Variants in SNTB1 observed in about 807,000 individuals in gnomAD.
The protein encoded by SNTB1 is syntrophin beta 1.
In SNTB1, 36 loss-of-function variants were observed where a neutral mutation model predicts 48.9. The ratio of observed to expected loss-of-function variants is 0.74; its 90% CI spans 0.56 to 0.97. The LOEUF (loss-of-function observed/expected upper bound fraction) is 0.97. SNTB1 is among the 50% of genes least tolerant of loss of function. The pLI is 0.00. For synonymous variants in SNTB1, 299 were observed against 294.6 expected, an observed-to-expected ratio of 1.01 and a Z score of -0.15; for missense variants, 786 against 703.4, an observed-to-expected ratio of 1.12 and a Z score of -1.33.
chr8:120,725,040 A>G (rs985862517), intron 1 of SNTB1, among the ~76,000 whole-genome samples: 3 of 152,156 alleles, frequency 2.0e-5, no homozygotes, highest in Admixed American at 2.0e-4. Context: ...ACCAGTGAGG[A>G]CTTCCTGTCT....
At chr8:120,725,047 G>A (rs911501071) in intron 1 of SNTB1, among the ~76,000 whole-genome samples, 2 of 152,194 alleles carry the variant, frequency 1.3e-5, no homozygotes, top group African/African-American at 2.4e-5. Flanking sequence ...AGGACTTCCT[G>A]TCTTAAGGCT....
At chr8:120,738,356 C>G (rs564357858) in intron 1 of SNTB1, among the ~76,000 whole-genome samples, 21 of 152,332 alleles carry the variant, frequency 1.4e-4, no homozygotes, top group African/African-American at 5.1e-4. Context: ...ATAACACCCA[C>G]TAAAGCTTCT....
At chr8:120,640,489 C>A (rs1232325522) in intron 2 of SNTB1, among the ~76,000 whole-genome samples, 2 of 152,104 alleles carry the variant, frequency 1.3e-5, no homozygotes, top group Non-Finnish European at 1.5e-5. Context: ...AGTTTTTGCC[C>A]ATTCAGTATG....
At chr8:120,567,393 T>C (rs1334539514) in intron 4 of SNTB1, among the ~76,000 whole-genome samples, 1 of 149,384 alleles carries the variant, frequency 6.7e-6, no homozygotes, top group Non-Finnish European at 1.5e-5. Flanking sequence ...GGCCAGCCAC[T>C]ACTTCATTAC....
intron 1 of SNTB1, among the ~76,000 whole-genome samples, chr8:120,705,121 A>G (rs1423519476): frequency 6.6e-6 from 1 of 152,254 alleles, no homozygotes; most frequent in Non-Finnish European, 1.5e-5. Flanking sequence ...TGAAAGGCTC[A>G]GGAAATAATT....
intron 1 of SNTB1, among the ~76,000 whole-genome samples, chr8:120,738,042 G>T (rs1818978283): frequency 6.6e-6 from 1 of 152,142 alleles, no homozygotes; most frequent in South Asian, 2.1e-4. Flanking sequence ...ATAGCAGTAG[G>T]AGATGGGGTC....
intron 1 of SNTB1, among the ~76,000 whole-genome samples, chr8:120,768,038 CT>C (rs1819557050): frequency 6.6e-6 from 1 of 152,160 alleles, no homozygotes; most frequent in Non-Finnish European, 1.5e-5. Flanking sequence ...AAAATTGCAA[CT>C]GCATTCAATT....
intron 1 of SNTB1, among the ~76,000 whole-genome samples, chr8:120,739,728 C>T (rs927887862): frequency 1.3e-5 from 2 of 152,134 alleles, no homozygotes; most frequent in African/African-American, 4.8e-5. Flanking sequence ...TGTTGGGCTC[C>T]ACATTCTCCT....
chr8:120,604,115 T>C (rs953029533), intron 3 of SNTB1, among the ~76,000 whole-genome samples: 11 of 152,162 alleles, frequency 7.2e-5, no homozygotes, highest in African/African-American at 1.4e-4. Context: ...AAGGTGTAAG[T>C]TGAGGATGCC....
At chr8:120,651,574 T>C (rs115219666) in intron 2 of SNTB1, among the ~76,000 whole-genome samples, 2 of 152,268 alleles carry the variant, frequency 1.3e-5, no homozygotes, top group African/African-American at 2.4e-5. Flanking sequence ...TTTAGTAGGT[T>C]TTTGCTGATA....
At chr8:120,744,647 T>C (rs1235531484) in intron 1 of SNTB1, among the ~76,000 whole-genome samples, 1 of 152,048 alleles carries the variant, frequency 6.6e-6, no homozygotes, top group East Asian at 1.9e-4. Flanking sequence ...TGTTGGTAGG[T>C]TTTTTCTGGA....
chr8:120,602,437 G>T (rs1816434971), intron 3 of SNTB1, among the ~76,000 whole-genome samples: 1 of 152,186 alleles, frequency 6.6e-6, no homozygotes, highest in South Asian at 2.1e-4. Flanking sequence ...TCAGGTGTGT[G>T]GGCCTTGTCC....
chr8:120,609,795 C>T (rs1298537953), intron 3 of SNTB1, among the ~76,000 whole-genome samples: 7 of 152,136 alleles, frequency 4.6e-5, no homozygotes, highest in Admixed American at 2.6e-4. Flanking sequence ...TATTACATGG[C>T]GGTACACACA....
At chr8:120,780,737 A>C (rs922954360) in intron 1 of SNTB1, among the ~76,000 whole-genome samples, 2 of 152,254 alleles carry the variant, frequency 1.3e-5, no homozygotes, top group Non-Finnish European at 1.5e-5. Context: ...TGACATCTTC[A>C]TAGCAGTTTA....
At chr8:120,606,411 G>A (rs199736850) in intron 3 of SNTB1, among the ~76,000 whole-genome samples, 2 of 26,466 alleles carry the variant, frequency 7.6e-5, no homozygotes, top group Non-Finnish European at 1.2e-4. Flanking sequence ...GTGTATATAT[G>A]TGTGTGTGTG....
intron 3 of SNTB1, among the ~76,000 whole-genome samples, chr8:120,590,685 CTTT>C (rs1255676747): frequency 3.0e-5 from 3 of 99,928 alleles, no homozygotes; most frequent in Non-Finnish European, 1.9e-5. Flanking sequence ...CTTTTCTTTT[CTTT>C]TTTTTTTTTT....
chr8:120,653,813 G>A (rs1439647766), intron 2 of SNTB1, among the ~76,000 whole-genome samples: 1 of 151,806 alleles, frequency 6.6e-6, no homozygotes, highest in East Asian at 1.9e-4. Context: ...GCCGAGGCGG[G>A]CGGATCACAA....
intron 4 of SNTB1, chr8:120,571,308 T>G: frequency 7.8e-7 from 1 of 1,288,316 alleles, no homozygotes; most frequent in Non-Finnish European, 1.0e-6. Context: ...CTAATCTTTC[T>G]TTGGTTTCTG....
chr8:120,627,813 C>T (rs754962285), intron 3 of SNTB1, among the ~76,000 whole-genome samples: 3 of 152,028 alleles, frequency 2.0e-5, no homozygotes, highest in Non-Finnish European at 2.9e-5. Context: ...TTCCTGGGCC[C>T]GTTTATTATC....
Sources: allele counts gnomAD v4.1 joint callset (sites outside exome capture counted in the v4.1 genomes callset), GRCh38; gene constraint gnomAD v4.1.1; transcripts MANE v1.5; gene names NCBI Gene and HGNC (gene_info 2026-07-23, HGNC 2026-07-21).